CPB2: variants seen among roughly 807,000 people sequenced by gnomAD.
The protein encoded by CPB2 is carboxypeptidase B-like protein.
A neutral mutation model predicts 57.0 loss-of-function variants in CPB2; 54 were observed. That is an observed-to-expected ratio of 0.95 (90% CI 0.76 to 1.19). The LOEUF (loss-of-function observed/expected upper bound fraction) is 1.19, where lower values mean the gene tolerates loss of function less well. Ranked by LOEUF, CPB2 falls within the 50% of genes most tolerant of loss-of-function variation. CPB2 has a pLI of 0.00. For synonymous variants in CPB2, 189 were observed against 178.1 expected, an observed-to-expected ratio of 1.06 and a Z score of -0.49; for missense variants, 426 against 512.0, an observed-to-expected ratio of 0.83 and a Z score of 1.62.
chr13:46,098,192 G>T lies in CPB2; in HGVS notation c.74+6744C>A, dbSNP rs2045391436. Among the ~76,000 whole-genome samples the T allele has an allele frequency of 2.0e-5, 3 of 152,330 alleles. 1 individual carries two copies. In the South Asian group the frequency reaches 6.2e-4, roughly 32 times the overall value. On this transcript the variant is annotated intron_variant, in intron 1 of 10. Transcript: ENST00000181383. ...AAGAGGGCCCAGTGATTATGACTCA[G>T]ATCCTTGAGGATTGAGGGTCTGGGT... is the stretch of plus-strand genomic sequence containing the variant.
chr13:46,086,650 T>A (rs956477428), intron 2 of CPB2, among the ~76,000 whole-genome samples: 3 of 152,228 alleles, frequency 2.0e-5, no homozygotes, highest in Admixed American at 2.0e-4. Flanking sequence ...ACTGGCAGCC[T>A]TCCTGGGCTT....
At chr13:46,103,487 G>A (rs1267546245) in intron 1 of CPB2, among the ~76,000 whole-genome samples, 2 of 152,204 alleles carry the variant, frequency 1.3e-5, no homozygotes, top group Non-Finnish European at 2.9e-5. Flanking sequence ...GGCTAAAGTG[G>A]GTTTGAATCC....
chr13:46,058,197 G>A lies in CPB2; in HGVS notation c.981C>T (p.Ser327=). The change falls in exon 9 of 11, where the codon AGC becomes AGT. Residue 327 remains serine, a synonymous_variant. Transcript: ENST00000181383. ...CACTTACCAGTTCCTCATGGTCTTT[G>A]CTTTTACTTCGTGTATAGGAATATG... ...VFPYSYTRSK[S]KDHEELSLVA... 1 of 1,613,196 alleles carries A rather than the reference G, an allele frequency of 6.2e-7. No individual in the cohort carries two copies. The highest frequency in any genetic ancestry group is 1.1e-5 in the South Asian group (1 of 91,040).
At chr13:46,076,411 A>G (rs9534313) in intron 5 of CPB2, among the ~76,000 whole-genome samples, 51,731 of 150,348 alleles carry the variant, frequency 0.34, 9,168 homozygotes, top group African/African-American at 0.39. Flanking sequence ...AAAAAAACCT[A>G]TAATAAATCT....
At chr13:46,100,809 G>T (rs2045425355) in intron 1 of CPB2, 1 of 152,192 alleles carries the variant, frequency 6.6e-6, no homozygotes, top group African/African-American at 2.4e-5. Flanking sequence ...GTAGAAGCAA[G>T]ACTCTTAGCG....
At chr13:46,087,702 T>C (rs1381959723) in intron 2 of CPB2, 43 bp downstream of exon 2, 6 of 1,381,840 alleles carry the variant, frequency 4.3e-6, no homozygotes, top group African/African-American at 1.4e-5. Context: ...CCAGTGCTTA[T>C]ACAAAGTGAA....
At chr13:46,101,879 A>G (rs2045438903) in intron 1 of CPB2, among the ~76,000 whole-genome samples, 1 of 152,282 alleles carries the variant, frequency 6.6e-6, no homozygotes, top group Middle Eastern at 3.4e-3. Context: ...ATTGGGGTGT[A>G]TCCCCTGCTA....
chr13:46,095,334 AT>A (rs1340123773), intron 1 of CPB2, among the ~76,000 whole-genome samples: 4 of 143,422 alleles, frequency 2.8e-5, no homozygotes, highest in Non-Finnish European at 6.1e-5. Flanking sequence ...AAAAAAAAAA[AT>A]TCATCCTTGA....
intron 6 of CPB2, among the ~76,000 whole-genome samples, chr13:46,067,899 A>G (rs2044879997): frequency 6.6e-6 from 1 of 152,188 alleles, no homozygotes; most frequent in South Asian, 2.1e-4. Context: ...CAAGGCTTTG[A>G]TCATCTAGCT....
At chr13:46,101,315 T>C (rs973572097) in intron 1 of CPB2, 1 of 152,220 alleles carries the variant, frequency 6.6e-6, no homozygotes, top group Non-Finnish European at 1.5e-5. Context: ...GATTAGAAAA[T>C]TGTTCTTTGT....
intron 6 of CPB2, chr13:46,073,595 A>G (rs2044975662): frequency 5.1e-6 from 1 of 197,080 alleles, no homozygotes; most frequent in Non-Finnish European, 6.9e-6. Flanking sequence ...AACATATTAT[A>G]ATCAATGTAC....
At chr13:46,068,244 C>T (rs1231408504) in intron 6 of CPB2, among the ~76,000 whole-genome samples, 15 of 151,950 alleles carry the variant, frequency 9.9e-5, no homozygotes. Context: ...TTGTTTGTTG[C>T]CTTAAAGCAT....
At chr13:46,064,225 A>T (rs2044818845) in intron 8 of CPB2, among the ~76,000 whole-genome samples, 1 of 151,984 alleles carries the variant, frequency 6.6e-6, no homozygotes, top group Non-Finnish European at 1.5e-5. Flanking sequence ...GTGCCACTGC[A>T]CTCCAGCCTG....
At chr13:46,098,338 G>A (rs781777804) in intron 1 of CPB2, 1 of 152,204 alleles carries the variant, frequency 6.6e-6, no homozygotes, top group Non-Finnish European at 1.5e-5. Context: ...CTCGAGACTA[G>A]CTGTAGCTGT....
chr13:46,062,562 GA>G (rs1450697140), intron 8 of CPB2, among the ~76,000 whole-genome samples: 1 of 152,208 alleles, frequency 6.6e-6, no homozygotes. Flanking sequence ...TTTTTAGGGA[GA>G]AACCACTAAA....
chr13:46,061,947 T>G (rs2044778662), intron 8 of CPB2, among the ~76,000 whole-genome samples: 1 of 152,048 alleles, frequency 6.6e-6, no homozygotes, highest in African/African-American at 2.4e-5. Flanking sequence ...TCTTTCTCAC[T>G]GTCTTGCTTA....
At chr13:46,088,449 G>A (rs7139571) in intron 1 of CPB2, among the ~76,000 whole-genome samples, 121,329 of 152,158 alleles carry the variant, frequency 0.8, 48,823 homozygotes, top group African/African-American at 0.9. Context: ...TCTTTTGTTC[G>A]GTATTGTATT....
intron 2 of CPB2, among the ~76,000 whole-genome samples, chr13:46,084,778 T>C (rs2139397657): frequency 6.6e-6 from 1 of 151,850 alleles, no homozygotes; most frequent in Non-Finnish European, 1.5e-5. Flanking sequence ...TTTCCTTTTT[T>C]TAAAAAGGCT....
At chr13:46,096,834 G>A (rs1050204082) in intron 1 of CPB2, among the ~76,000 whole-genome samples, 3 of 152,096 alleles carry the variant, frequency 2.0e-5, no homozygotes, top group Admixed American at 6.6e-5. Flanking sequence ...TCGGGTGACC[G>A]AAAGAGAGCA....
Sources: allele counts gnomAD v4.1 joint callset (sites outside exome capture counted in the v4.1 genomes callset), GRCh38; gene constraint gnomAD v4.1.1; transcripts MANE v1.5; gene names NCBI Gene and HGNC (gene_info 2026-07-23, HGNC 2026-07-21).